The following APBB2 variants were observed in gnomAD, a reference collection of about 807,000 sequenced individuals.
APBB2 encodes the protein Fe65-like 1.
In APBB2, 38 loss-of-function variants were observed where a neutral mutation model predicts 82.5. The ratio of observed to expected loss-of-function variants is 0.46; its 90% CI spans 0.36 to 0.60. The LOEUF (loss-of-function observed/expected upper bound fraction) is 0.60, where lower values mean the gene tolerates loss of function less well. Among genes scored for constraint, APBB2 ranks in the 20% least tolerant of loss-of-function variants. The probability of loss-of-function intolerance (pLI) is 0.00; values close to 1 mark genes in which losing one functional copy is unlikely to be tolerated. For missense variants in APBB2, 772 were observed against 972.3 expected, an observed-to-expected ratio of 0.79 and a Z score of 2.74; for synonymous variants, 341 against 368.2, an observed-to-expected ratio of 0.93 and a Z score of 0.85.
intron 12 of APBB2, chr4:40,881,478 A>C: frequency 1.8e-6 from 1 of 566,750 alleles, no homozygotes; most frequent in Non-Finnish European, 2.2e-6. Context: ...CTCAAAAACA[A>C]AAGAGACCCA....
intron 6 of APBB2, among the ~76,000 whole-genome samples, chr4:40,949,080 A>C (rs1206732132): frequency 6.6e-6 from 1 of 152,100 alleles, no homozygotes; most frequent in Non-Finnish European, 1.5e-5. Flanking sequence ...GGAGTTTGAG[A>C]CCAGCATGGC....
intron 6 of APBB2, among the ~76,000 whole-genome samples, chr4:40,996,420 A>G (rs1803648086): frequency 1.3e-5 from 2 of 152,216 alleles, no homozygotes; most frequent in Admixed American, 1.3e-4. Context: ...CTTGGTTAAA[A>G]TAAAGGACAT....
chr4:41,029,202 T>C (rs1446605808), intron 5 of APBB2, among the ~76,000 whole-genome samples: 1 of 152,230 alleles, frequency 6.6e-6, no homozygotes, highest in Non-Finnish European at 1.5e-5. Context: ...GGAATGTCAC[T>C]GTTTGAACTA....
At chr4:41,090,711 T>C (rs757563121) in intron 3 of APBB2, among the ~76,000 whole-genome samples, 8 of 152,194 alleles carry the variant, frequency 5.3e-5, no homozygotes, top group Non-Finnish European at 1.0e-4. Flanking sequence ...GTATCAAAAA[T>C]TTTGCCAGAA....
Position 41,136,386 on chromosome 4 carries a change from T to TA in APBB2, c.-261+6600dup, listed in dbSNP as rs915899212. Among the ~76,000 whole-genome samples, 23 of 152,308 alleles carry TA rather than the reference T, an allele frequency of 1.5e-4. No homozygotes were observed. The South Asian group carries it at 2.1e-3, about 14-fold the overall frequency. The stretch of plus-strand genomic sequence containing the variant: ...TTCATAACACCTATTTCCAGGGACT[T>TA]AGAGTTATAAATGAAAGCTTACTTA... On this transcript the variant is annotated intron_variant, in intron 2 of 17. Coordinates refer to ENST00000508593, the MANE Select transcript of APBB2 (RefSeq NM_004307.2).
In APBB2 at chr4:40,907,379, A is replaced by ATTTTTTT. The variant is rs55814804; in HGVS notation, c.1255-13975_1255-13969dup. On this transcript the variant is annotated intron_variant, in intron 10 of 17. Transcript: ENST00000508593. ...TATATATATATATATATATATATATATTTTTTTTTTTTTTTTTTTTTAGAC... is the reference window on the plus strand; with the variant it reads ...TATATATATATATATATATATATATATTTTTTTTTTTTTTTTTTTTTTTTTTTTAGAC... 5.5e-3 allele frequency among the ~76,000 whole-genome samples: 205 copies of ATTTTTTT among 37,354 alleles called. 7 individuals are homozygous for ATTTTTTT. The highest frequency in any genetic ancestry group is 0.025 in the African/African-American group (196 of 7,986). The allele number at this position is 37,354 out of a possible 152,430, so 24.5% of individuals were successfully genotyped here. A position where few individuals can be genotyped will look rare whatever the true frequency, so the allele number is the denominator to read the frequency against.
At chr4:41,011,483 T>C (rs559211342) in intron 6 of APBB2, among the ~76,000 whole-genome samples, 3 of 152,060 alleles carry the variant, frequency 2.0e-5, no homozygotes, top group East Asian at 3.9e-4. Flanking sequence ...CAGGCTAGAG[T>C]GCAGTGGCGG....
chr4:40,985,997 AAG>A (rs1177595797), intron 6 of APBB2, among the ~76,000 whole-genome samples: 6 of 152,232 alleles, frequency 3.9e-5, no homozygotes, highest in African/African-American at 1.4e-4. Context: ...TAAATAACAA[AAG>A]AGAAGTTTTG....
At chr4:40,836,589 T>A (rs1004080752) in intron 12 of APBB2, among the ~76,000 whole-genome samples, 4 of 151,254 alleles carry the variant, frequency 2.6e-5, no homozygotes, top group African/African-American at 9.7e-5. Flanking sequence ...AATGAGAAGG[T>A]GGGAAAAAAA....
intron 3 of APBB2, among the ~76,000 whole-genome samples, chr4:41,093,465 A>C (rs566045184): frequency 1.3e-5 from 2 of 152,154 alleles, no homozygotes; most frequent in African/African-American, 4.8e-5. Flanking sequence ...TTTTTCCCTA[A>C]GTTCCTAATG....
In APBB2 at chr4:41,102,978, T is replaced by A. The variant is rs998244721; in HGVS notation, c.-260-2228A>T. Among the ~76,000 whole-genome samples the A allele has an allele frequency of 2.0e-5, 3 of 152,362 alleles. No homozygotes were observed. The East Asian group carries it at 5.8e-4, about 29-fold the overall frequency. On this transcript the variant is annotated intron_variant, in intron 2 of 17. Transcript: ENST00000508593. ...AGTTTTACTGCAGGATTCTGCATAA[T>A]GTGGTTTTTAAGAACACATAGATCA...
intron 2 of APBB2, among the ~76,000 whole-genome samples, chr4:41,104,726 C>T (rs1257841400): frequency 6.6e-6 from 1 of 152,160 alleles, no homozygotes; most frequent in African/African-American, 2.4e-5. Flanking sequence ...TGTTTAGCTC[C>T]CACTTACAAG....
chr4:41,171,149 C>CT (rs1192615664), intron 1 of APBB2, among the ~76,000 whole-genome samples: 2 of 152,314 alleles, frequency 1.3e-5, no homozygotes, highest in African/African-American at 4.8e-5. Context: ...CAGCATTAAC[C>CT]ACCTGGCACT....
At chr4:41,005,827 C>T (rs1359493632) in intron 6 of APBB2, among the ~76,000 whole-genome samples, 1 of 152,206 alleles carries the variant, frequency 6.6e-6, no homozygotes, top group Non-Finnish European at 1.5e-5. Flanking sequence ...AGGGACAATG[C>T]TCTCCCCAGA....
At chr4:40,905,158 G>A (rs886625013) in intron 10 of APBB2, among the ~76,000 whole-genome samples, 1 of 152,112 alleles carries the variant, frequency 6.6e-6, no homozygotes, top group Non-Finnish European at 1.5e-5. Context: ...CAGGCACTAA[G>A]GGTTGATCCA....
chr4:40,822,410 T>G (rs2154296429), intron 16 of APBB2: 1 of 183,442 alleles, frequency 5.5e-6, no homozygotes, highest in Non-Finnish European at 1.1e-5. Context: ...TTTGGCCAAG[T>G]AAACCCCCAG....
At position 41,041,027 on chromosome 4, in the gene APBB2, C is replaced by A. The variant is rs539126811; in HGVS notation, c.-50-7723G>T. Among the ~76,000 whole-genome samples the A allele has an allele frequency of 6.4e-3, 969 of 152,194 alleles. 3 individuals are homozygous for A. Among genetic ancestry groups the A allele is most frequent in the Middle Eastern group, 0.014 (4 of 294 alleles). Reference sequence around the variant, plus strand: ...TCTCGAGCAGCTGGGACTACAAGCGCCCACCACCACACCCGGCTGATTTTT... The same window carrying A: ...TCTCGAGCAGCTGGGACTACAAGCGACCACCACCACACCCGGCTGATTTTT... On this transcript the variant is annotated intron_variant, in intron 4 of 17. Transcript: ENST00000508593.
intron 1 of APBB2, among the ~76,000 whole-genome samples, chr4:41,203,068 G>GT (rs554473489): frequency 8.6e-4 from 125 of 145,922 alleles, no homozygotes; most frequent in Non-Finnish European, 9.2e-4. Flanking sequence ...ATTCTCCTCA[G>GT]TTTTTTTTTT....
chr4:41,180,025 T>G (rs1448536861), intron 1 of APBB2, among the ~76,000 whole-genome samples: 1 of 152,190 alleles, frequency 6.6e-6, no homozygotes, highest in African/African-American at 2.4e-5. Context: ...TACTTAAATT[T>G]CAATGCTGAA....
Sources: allele counts gnomAD v4.1 joint callset (sites outside exome capture counted in the v4.1 genomes callset), GRCh38; gene constraint gnomAD v4.1.1; transcripts MANE v1.5; gene names NCBI Gene and HGNC (gene_info 2026-07-23, HGNC 2026-07-21).